The following THSD7B variants were observed in gnomAD, a reference collection of about 807,000 sequenced individuals.
THSD7B encodes the protein thrombospondin type-1 domain-containing protein 7B.
In THSD7B, 138 loss-of-function variants were observed where a neutral mutation model predicts 213.6. The ratio of observed to expected loss-of-function variants is 0.65; its 90% CI spans 0.56 to 0.74. THSD7B has a LOEUF of 0.74. Among genes scored for constraint, THSD7B ranks in the 30% least tolerant of loss-of-function variants. The pLI, the probability that THSD7B is intolerant of heterozygous loss-of-function variation, is 0.00. For missense variants in THSD7B, 1,931 were observed against 1,991.5 expected, an observed-to-expected ratio of 0.97 and a Z score of 0.58; for synonymous variants, 742 against 687.0, an observed-to-expected ratio of 1.08 and a Z score of -1.25.
At chr2:137,244,292 G>C (rs1681975906) in intron 10 of THSD7B, among the ~76,000 whole-genome samples, 1 of 152,196 alleles carries the variant, frequency 6.6e-6, no homozygotes. Flanking sequence ...ATTCATGAGA[G>C]TTTAGTACAA....
chr2:137,463,454 CT>C (rs1687928454), intron 15 of THSD7B, among the ~76,000 whole-genome samples: 1 of 151,862 alleles, frequency 6.6e-6, no homozygotes, highest in South Asian at 2.1e-4. Context: ...CAACTTTTTA[CT>C]CTTTCCTACC....
chr2:137,382,450 G>C (rs1685798759), intron 12 of THSD7B, among the ~76,000 whole-genome samples: 1 of 152,198 alleles, frequency 6.6e-6, no homozygotes, highest in Non-Finnish European at 1.5e-5. Flanking sequence ...TGGGGCCTGT[G>C]GCAGCACATG....
chr2:137,399,068 A>C (rs1686284470), intron 12 of THSD7B, among the ~76,000 whole-genome samples: 1 of 150,080 alleles, frequency 6.7e-6, no homozygotes, highest in African/African-American at 2.5e-5. Flanking sequence ...ACTGTCTGGC[A>C]CTCCCTAGTG....
intron 1 of THSD7B, among the ~76,000 whole-genome samples, chr2:136,812,431 C>T (rs1447777707): frequency 3.3e-5 from 5 of 152,152 alleles, no homozygotes; most frequent in African/African-American, 1.2e-4. Flanking sequence ...TATAAAAGCA[C>T]ATTTTTATTC....
intron 17 of THSD7B, among the ~76,000 whole-genome samples, chr2:137,584,039 G>A (rs1328946571): frequency 1.3e-5 from 2 of 150,302 alleles, no homozygotes; most frequent in East Asian, 3.8e-4. Context: ...AGTTCTCCTT[G>A]AAGAGGTCCT....
chr2:137,140,848 T>C (rs1482802193), intron 5 of THSD7B, among the ~76,000 whole-genome samples: 1 of 152,084 alleles, frequency 6.6e-6, no homozygotes, highest in African/African-American at 2.4e-5. Context: ...ATACATGCAA[T>C]ATAGAAAAAT....
intron 1 of THSD7B, among the ~76,000 whole-genome samples, chr2:136,867,715 A>T (rs1192618849): frequency 6.6e-6 from 1 of 152,244 alleles, no homozygotes; most frequent in East Asian, 1.9e-4. Context: ...ATCTTTCATT[A>T]TAATCCACTT....
intron 12 of THSD7B, among the ~76,000 whole-genome samples, chr2:137,314,635 G>T (rs1684034482): frequency 6.6e-6 from 1 of 152,132 alleles, no homozygotes; most frequent in Non-Finnish European, 1.5e-5. Flanking sequence ...CATCTTTGTG[G>T]TTTTATCTAC....
At chr2:137,615,154 A>G (rs1327051515) in intron 17 of THSD7B, among the ~76,000 whole-genome samples, 1 of 152,210 alleles carries the variant, frequency 6.6e-6, no homozygotes, top group African/African-American at 2.4e-5. Flanking sequence ...ATGATCCAAC[A>G]TGCCCTAAAG....
intron 12 of THSD7B, among the ~76,000 whole-genome samples, chr2:137,353,518 G>A (rs972656819): frequency 6.6e-6 from 1 of 151,988 alleles, no homozygotes; most frequent in African/African-American, 2.4e-5. Flanking sequence ...TGATATCCTG[G>A]ACATGGCATG....
chr2:137,398,577 C>G (rs1203033406), intron 12 of THSD7B, among the ~76,000 whole-genome samples: 3 of 151,762 alleles, frequency 2.0e-5, no homozygotes, highest in Admixed American at 2.0e-4. Flanking sequence ...AGCTGTCAGA[C>G]AGGGACATTT....
intron 2 of THSD7B, among the ~76,000 whole-genome samples, chr2:137,038,450 G>A (rs1686817484): frequency 6.6e-6 from 1 of 152,122 alleles, no homozygotes; most frequent in African/African-American, 2.4e-5. Context: ...CTTTGGAAAA[G>A]AGCTGCCACT....
intron 2 of THSD7B, chr2:136,990,962 G>A: frequency 7.5e-7 from 1 of 1,327,298 alleles, no homozygotes; most frequent in Non-Finnish European, 1.0e-6. Context: ...TCAGATGTGG[G>A]AAAGACATCA....
intron 17 of THSD7B, among the ~76,000 whole-genome samples, chr2:137,581,206 A>G (rs370742734): frequency 2.6e-5 from 4 of 152,304 alleles, no homozygotes; most frequent in East Asian, 3.9e-4. Context: ...ATTATTGCTG[A>G]TATTATTTTT....
intron 15 of THSD7B, among the ~76,000 whole-genome samples, chr2:137,561,345 C>T (rs1681115278): frequency 6.6e-6 from 1 of 152,136 alleles, no homozygotes; most frequent in South Asian, 2.1e-4. Flanking sequence ...CTAAGTTCTA[C>T]TTAGTATTGA....
intron 3 of THSD7B, among the ~76,000 whole-genome samples, chr2:137,089,589 C>T (rs1558916708): frequency 6.6e-6 from 1 of 151,862 alleles, no homozygotes; most frequent in Admixed American, 6.6e-5. Flanking sequence ...TGTCCTCACT[C>T]ATAAGTGGGA....
At chr2:137,160,590 A>T (rs1339397780) in intron 6 of THSD7B, among the ~76,000 whole-genome samples, 1 of 152,120 alleles carries the variant, frequency 6.6e-6, no homozygotes, top group East Asian at 1.9e-4. Context: ...ATAGCTGACT[A>T]CTACTCTATT....
At chr2:137,180,038 G>T (rs1179517210) in intron 7 of THSD7B, among the ~76,000 whole-genome samples, 1 of 152,092 alleles carries the variant, frequency 6.6e-6, no homozygotes, top group Non-Finnish European at 1.5e-5. Flanking sequence ...ATAGGTTATT[G>T]GTTCAGAAAT....
At chr2:137,168,114 T>C (rs1680172313) in intron 6 of THSD7B, among the ~76,000 whole-genome samples, 1 of 152,240 alleles carries the variant, frequency 6.6e-6, no homozygotes, top group South Asian at 2.1e-4. Flanking sequence ...ATAAAGTTAC[T>C]GTCCCAGTCT....
Sources: allele counts gnomAD v4.1 joint callset (sites outside exome capture counted in the v4.1 genomes callset), GRCh38; gene constraint gnomAD v4.1.1; transcripts MANE v1.5; gene names NCBI Gene and HGNC (gene_info 2026-07-23, HGNC 2026-07-21).